Variants in MTUS2 observed in about 807,000 individuals in gnomAD.
MTUS2 encodes microtubule-associated tumor suppressor candidate 2.
Under a neutral mutation model 114.1 loss-of-function variants are expected in MTUS2, and 40 were observed. The observed-to-expected ratio is 0.35, with a 90% confidence interval of 0.27 to 0.46. The LOEUF is 0.46. Ranked by LOEUF, MTUS2 falls within the 20% of genes least tolerant of loss-of-function variation. The pLI is 1.00. For synonymous variants in MTUS2, 688 were observed against 672.0 expected, an observed-to-expected ratio of 1.02 and a Z score of -0.37; for missense variants, 1,679 against 1,705.4, an observed-to-expected ratio of 0.98 and a Z score of 0.27.
intron 2 of MTUS2, among the ~76,000 whole-genome samples, chr13:28,932,339 T>C (rs905110510): frequency 5.9e-5 from 9 of 152,176 alleles, no homozygotes; most frequent in African/African-American, 2.2e-4. Flanking sequence ...AATGCAGGGA[T>C]AATTTGAAAT....
chr13:29,426,608 T>G (rs1259596874), intron 8 of MTUS2, among the ~76,000 whole-genome samples: 1 of 152,236 alleles, frequency 6.6e-6, no homozygotes, highest in African/African-American at 2.4e-5. Context: ...AGGTACTTCA[T>G]ATAAGTGGAA....
intron 6 of MTUS2, chr13:29,307,583 C>A: frequency 8.2e-7 from 1 of 1,224,604 alleles, no homozygotes; most frequent in Non-Finnish European, 1.2e-6. Context: ...TCAGAGGGCC[C>A]CCTCAAGGGC....
intron 2 of MTUS2, among the ~76,000 whole-genome samples, chr13:28,997,278 G>A (rs1176839924): frequency 2.0e-5 from 3 of 152,130 alleles, no homozygotes; most frequent in African/African-American, 7.2e-5. Context: ...TATAATTTCT[G>A]TTCTTTTACA....
At chr13:29,098,615 C>T (rs9579285) in intron 4 of MTUS2, among the ~76,000 whole-genome samples, 98,428 of 152,028 alleles carry the variant, frequency 0.65, 32,968 homozygotes, top group Non-Finnish European at 0.74. Context: ...TTGTCCTCCC[C>T]GTCTCTACAT....
chr13:28,835,322 A>G (rs555834427), intron 1 of MTUS2, among the ~76,000 whole-genome samples: 1 of 152,376 alleles, frequency 6.6e-6, no homozygotes, highest in East Asian at 1.9e-4. Context: ...TTATTCAGCC[A>G]TAAAAAGCAG....
rs111233483 is a variant in MTUS2, at chr13:28,958,519, G to A, written c.-242-65938G>A. Among the ~76,000 whole-genome samples the A allele has an allele frequency of 3.6e-3, 546 of 152,320 alleles. 3 individuals carry two copies. The highest frequency in any genetic ancestry group is 0.013 in the African/African-American group (527 of 41,576). Reference sequence around the variant, plus strand: ...GTGAAGAGTCTGTTATTCTTAGTCTGTTTACTATTGTTTAAAAATATCTCC... The same window carrying A: ...GTGAAGAGTCTGTTATTCTTAGTCTATTTACTATTGTTTAAAAATATCTCC... On this transcript the variant is annotated intron_variant, in intron 2 of 15. Transcript: ENST00000612955.
chr13:28,838,628 G>C (rs1875255951), intron 1 of MTUS2, among the ~76,000 whole-genome samples: 1 of 152,140 alleles, frequency 6.6e-6, no homozygotes. Flanking sequence ...GCTCTTGCCT[G>C]CTTTCCCTTT....
rs562298093 is a variant in MTUS2 at position 29,471,747 on chromosome 13, C to A, written c.3185-8403C>A. ...GCCTCTGCTCTGCAGGCCCAGCCCCCCCCGACACATTGATCTTAGGTCACT... is the reference window on the plus strand; with the variant it reads ...GCCTCTGCTCTGCAGGCCCAGCCCCACCCGACACATTGATCTTAGGTCACT... On this transcript the variant is annotated intron_variant, in intron 9 of 15. Coordinates refer to ENST00000612955, the MANE Select transcript of MTUS2 (RefSeq NM_001033602.4). Among the ~76,000 whole-genome samples, 26 of 127,924 alleles carry A rather than the reference C, an allele frequency of 2.0e-4. 1 individual carries two copies. The South Asian group carries it at 7.3e-3, about 36-fold the overall frequency. 83.9% of individuals were successfully genotyped at this position (127,924 alleles called of 152,430 possible). A position where few individuals can be genotyped will look rare whatever the true frequency, so the allele number is the denominator to read the frequency against.
At chr13:29,160,920 T>TTACA (rs1893070307) in intron 5 of MTUS2, among the ~76,000 whole-genome samples, 1 of 152,150 alleles carries the variant, frequency 6.6e-6, no homozygotes, top group Non-Finnish European at 1.5e-5. Flanking sequence ...GTCCCAAAGG[T>TTACA]TACATACTGC....
intron 8 of MTUS2, among the ~76,000 whole-genome samples, chr13:29,380,370 A>G (rs1872112324): frequency 6.6e-6 from 1 of 152,238 alleles, no homozygotes; most frequent in African/African-American, 2.4e-5. Flanking sequence ...GAATTTTGTT[A>G]TTTGAAGCAA....
chr13:28,820,712 G>C (rs1873835183), intron 1 of MTUS2, 101 bp downstream of exon 1: 1 of 152,394 alleles, frequency 6.6e-6, no homozygotes, highest in Admixed American at 6.5e-5. Context: ...GGAGCGCGCA[G>C]CCGGGCTCGG....
chr13:29,216,896 C>T (rs1457323743), intron 5 of MTUS2, among the ~76,000 whole-genome samples: 1 of 152,160 alleles, frequency 6.6e-6, no homozygotes, highest in Non-Finnish European at 1.5e-5. Context: ...TCAGTTTTCC[C>T]ACACCCTCCC....
At chr13:29,238,586 AC>A (rs1197181285) in intron 5 of MTUS2, among the ~76,000 whole-genome samples, 1 of 152,198 alleles carries the variant, frequency 6.6e-6, no homozygotes, top group Non-Finnish European at 1.5e-5. Context: ...AGGCTGGAAG[AC>A]TGAGCAAGTC....
intron 8 of MTUS2, among the ~76,000 whole-genome samples, chr13:29,422,985 T>A (rs1348145475): frequency 6.6e-6 from 1 of 152,224 alleles, no homozygotes; most frequent in Non-Finnish European, 1.5e-5. Flanking sequence ...GTATTTGCCT[T>A]CAAGTTTAGT....
chr13:28,985,001 A>C (rs1373901791), intron 2 of MTUS2, among the ~76,000 whole-genome samples: 3 of 152,218 alleles, frequency 2.0e-5, no homozygotes, highest in Non-Finnish European at 4.4e-5. Flanking sequence ...GTGTTGTCTG[A>C]AATAACAGAA....
chr13:28,882,439 T>TAA (rs1486016983), intron 2 of MTUS2, among the ~76,000 whole-genome samples: 1 of 151,698 alleles, frequency 6.6e-6, no homozygotes, highest in Admixed American at 6.6e-5. Context: ...AAAACATTAA[T>TAA]AAAACAGACT....
intron 2 of MTUS2, among the ~76,000 whole-genome samples, chr13:28,997,583 G>T (rs1205970054): frequency 6.6e-6 from 1 of 152,094 alleles, no homozygotes; most frequent in Non-Finnish European, 1.5e-5. Context: ...CCTGTATTGG[G>T]TGCATATATA....
chr13:29,037,706 A>G (rs923479495), intron 4 of MTUS2, among the ~76,000 whole-genome samples: 3 of 152,034 alleles, frequency 2.0e-5, no homozygotes, highest in Admixed American at 6.6e-5. Context: ...GGCTTTGTTC[A>G]TTCCTTTTCA....
chr13:29,333,108 T>C (rs1379995564), intron 7 of MTUS2, among the ~76,000 whole-genome samples: 1 of 152,248 alleles, frequency 6.6e-6, no homozygotes, highest in African/African-American at 2.4e-5. Flanking sequence ...TATTTATTTT[T>C]GCTTTAATTT....
Sources: gnomAD v4.1 joint callset for allele counts (sites outside exome capture counted in the v4.1 genomes callset) on GRCh38, gnomAD v4.1.1 for gene constraint, MANE v1.5 for transcripts, NCBI Gene and HGNC (gene_info 2026-07-23, HGNC 2026-07-21) for gene names.